TAF2: variants seen among roughly 807,000 people sequenced by gnomAD.
The protein encoded by TAF2 is transcription initiation factor TFIID subunit 2.
In TAF2, 61 loss-of-function variants were observed where a neutral mutation model predicts 138.5. The observed-to-expected ratio is 0.44, with a 90% CI of 0.36 to 0.54. The LOEUF is 0.54. Ranked by LOEUF, TAF2 falls within the 20% of genes least tolerant of loss-of-function variation. The pLI, the probability that TAF2 is intolerant of heterozygous loss-of-function variation, is 0.00. For missense variants in TAF2, 1,090 were observed against 1,427.9 expected (o/e 0.76, Z 3.81); for synonymous variants, 475 against 469.9 (o/e 1.01, Z -0.14).
At chr8:119,792,637 A>G (rs1027979311) in intron 10 of TAF2, among the ~76,000 whole-genome samples, 1 of 152,182 alleles carries the variant, frequency 6.6e-6, no homozygotes, top group African/African-American at 2.4e-5. Flanking sequence ...ATTCATGTTG[A>G]AACTTAAACC....
In TAF2 at chr8:119,831,690, C is replaced by T. The variant is rs754509806; in HGVS notation, c.125G>A (p.Arg42Lys). The T allele has an allele frequency of 3.7e-6, 6 of 1,605,148 alleles. No homozygotes were observed. The African/African-American group carries it at 5.3e-5, about 14-fold the overall frequency. The change falls in exon 2 of 26, where the codon AGA becomes AAA. Residue 42 changes from arginine to lysine, a missense_variant. Coordinates refer to ENST00000378164, the MANE Select transcript of TAF2 (RefSeq NM_003184.4). Reference sequence around the variant, plus strand: ...GAATAAACTTACCACAACAGATTTTCTCTGGAAATTTATGTTGTTGATGCA... The same window carrying T: ...GAATAAACTTACCACAACAGATTTTTTCTGGAAATTTATGTTGTTGATGCA... ...VVCINNINFQ[R>K]KSVVGFVELT...
At position 119,811,992 on chromosome 8, in the gene TAF2, C is replaced by T. The variant is rs148340915; in HGVS notation, c.300-5591G>A. Among the ~76,000 whole-genome samples, 1,141 of 151,772 alleles carry T rather than the reference C, an allele frequency of 7.5e-3. 17 individuals carry two copies. The highest frequency in any genetic ancestry group is 0.026 in the African/African-American group (1,081 of 41,360). On this transcript the variant is annotated intron_variant, in intron 3 of 25. Coordinates refer to ENST00000378164, the MANE Select transcript of TAF2 (RefSeq NM_003184.4). The stretch of plus-strand genomic sequence containing the variant: ...TTTTTGTTTTTTTTTAAATTTAGAG[C>T]GTTTACATGAGCCAAAGTGACAACA...
In TAF2 at chr8:119,782,968, T is replaced by G. The variant is rs1377164742; in HGVS notation, c.2112+413A>C. Among the ~76,000 whole-genome samples the G allele has an allele frequency of 2.0e-5, 3 of 150,520 alleles. No individual in the cohort carries two copies. In the East Asian group the frequency reaches 5.9e-4, roughly 29 times the overall value. On this transcript the variant is annotated intron_variant, in intron 16 of 25. Coordinates refer to ENST00000378164, the MANE Select transcript of TAF2 (RefSeq NM_003184.4). Reference sequence around the variant, plus strand: ...GACCAGCCTGGGCAACATTGTGAGATCTTGTCTTTATTTAAAAAAACAAAA... The same window carrying G: ...GACCAGCCTGGGCAACATTGTGAGAGCTTGTCTTTATTTAAAAAAACAAAA...
At position 119,744,281 on chromosome 8, in the gene TAF2, A is replaced by G; in HGVS notation, c.3214+7T>C. On this transcript the variant is annotated splice_region_variant and intron_variant, in intron 24 of 25. Transcript: ENST00000378164. ...TCTCCTCAATGATTGCAGAATACTAATCTTACCTGGAGTTGACGGCCTTTC... is the reference window on the plus strand; with the variant it reads ...TCTCCTCAATGATTGCAGAATACTAGTCTTACCTGGAGTTGACGGCCTTTC... 6.2e-7 allele frequency: 1 copy of G among 1,612,492 alleles called. No homozygotes were observed. The highest frequency in any genetic ancestry group is 8.5e-7 in the Non-Finnish European group (1 of 1,178,678).
At chr8:119,823,737 C>CAG (rs1244274890) in intron 2 of TAF2, among the ~76,000 whole-genome samples, 1 of 152,170 alleles carries the variant, frequency 6.6e-6, no homozygotes, top group African/African-American at 2.4e-5. Flanking sequence ...AGGTAATAGG[C>CAG]AGAGGTTGGA....
At chr8:119,799,138 T>A (rs1400221545) in intron 6 of TAF2, among the ~76,000 whole-genome samples, 1 of 137,482 alleles carries the variant, frequency 7.3e-6, no homozygotes, top group Non-Finnish European at 1.6e-5. Context: ...TAATCAAACA[T>A]TGATTTTTTA....
At chr8:119,785,581 A>C (rs868613146) in intron 14 of TAF2, among the ~76,000 whole-genome samples, 1 of 152,228 alleles carries the variant, frequency 6.6e-6, no homozygotes, top group Non-Finnish European at 1.5e-5. Context: ...GGGATATATC[A>C]ATAAAGAAAA....
At chr8:119,746,578 A>AT in intron 23 of TAF2, 127 bp downstream of exon 23, 2 of 1,021,336 alleles carry the variant, frequency 2.0e-6, no homozygotes, top group African/African-American at 1.6e-5. Context: ...GTCAGCCAGC[A>AT]TTTTTTAAAA....
intron 3 of TAF2, among the ~76,000 whole-genome samples, chr8:119,818,731 T>TCC (rs1491360603): frequency 2.5e-5 from 1 of 40,024 alleles, no homozygotes; most frequent in East Asian, 3.1e-4. Context: ...AAAAATGAAG[T>TCC]CCACACACAC....
rs747979873 is a variant in TAF2, at chr8:119,760,755, G to T, written c.2559-17C>A. On this transcript the variant is annotated splice_polypyrimidine_tract_variant and intron_variant, in intron 19 of 25. Coordinates refer to ENST00000378164, the MANE Select transcript of TAF2 (RefSeq NM_003184.4). ...CTCAAACAACTAGGGAAAAAAATAC[G>T]TATGTTAACTACTTTCACTGAGGTA... 1 of 1,613,372 alleles carries T rather than the reference G, an allele frequency of 6.2e-7. No individual in the cohort carries two copies. Among genetic ancestry groups the T allele is most frequent in the Non-Finnish European group, 8.5e-7 (1 of 1,179,762 alleles).
At position 119,785,281 on chromosome 8, in the gene TAF2, A is replaced by G. The variant is rs960887612; in HGVS notation, c.1794-15T>C. On this transcript the variant is annotated splice_polypyrimidine_tract_variant and intron_variant, in intron 14 of 25. Coordinates refer to ENST00000378164, the MANE Select transcript of TAF2 (RefSeq NM_003184.4). Reference sequence around the variant, plus strand: ...TCTTTTTATTCCTACATTTAAGAAAAAGTAGGTTGGAAAATTGTGAGATTT... The same window carrying G: ...TCTTTTTATTCCTACATTTAAGAAAGAGTAGGTTGGAAAATTGTGAGATTT... 1 of 1,589,484 alleles carries G rather than the reference A, an allele frequency of 6.3e-7. No homozygotes were observed. The highest frequency in any genetic ancestry group is 1.3e-5 in the African/African-American group (1 of 74,420).
intron 14 of TAF2, among the ~76,000 whole-genome samples, chr8:119,786,866 AG>A (rs1422827815): frequency 6.6e-6 from 1 of 152,194 alleles, no homozygotes; most frequent in Non-Finnish European, 1.5e-5. Context: ...GGTTGCAATG[AG>A]CTGAGATCGC....
intron 7 of TAF2, 24 bp downstream of exon 7, chr8:119,797,637 AT>A: frequency 6.2e-7 from 1 of 1,605,064 alleles, no homozygotes; most frequent in Non-Finnish European, 8.5e-7. Flanking sequence ...TAATTTAGGC[AT>A]TTCAAATCTG....
chr8:119,780,723 CAGG>C (rs1335789805), intron 17 of TAF2, among the ~76,000 whole-genome samples: 1 of 151,930 alleles, frequency 6.6e-6, no homozygotes, highest in Non-Finnish European at 1.5e-5. Context: ...ATCACAGGGT[CAGG>C]AGATGAAAAC....
intron 1 of TAF2, 134 bp downstream of exon 1, chr8:119,832,348 A>G: frequency 2.6e-6 from 2 of 781,938 alleles, no homozygotes; most frequent in East Asian, 2.6e-5. Flanking sequence ...TACAAACACC[A>G]TTTCCATCAC....
chr8:119,779,396 T>C (rs2131126997), intron 17 of TAF2, among the ~76,000 whole-genome samples: 1 of 152,172 alleles, frequency 6.6e-6, no homozygotes, highest in South Asian at 2.1e-4. Context: ...CTACACTGAT[T>C]TCATGATCCC....
chr8:119,762,339 A>T, intron 19 of TAF2, 76 bp downstream of exon 19: 1 of 1,432,080 alleles, frequency 7.0e-7, no homozygotes, highest in Non-Finnish European at 9.6e-7. Context: ...TATATTTCCC[A>T]ATTTTCTATA....
intron 25 of TAF2, among the ~76,000 whole-genome samples, chr8:119,736,798 A>G (rs1819252876): frequency 6.6e-6 from 1 of 152,236 alleles, no homozygotes; most frequent in African/African-American, 2.4e-5. Flanking sequence ...AGACTAAAGA[A>G]CACACACCCT....
At chr8:119,747,273 T>A (rs1820044053) in intron 22 of TAF2, among the ~76,000 whole-genome samples, 1 of 152,158 alleles carries the variant, frequency 6.6e-6, no homozygotes, top group Admixed American at 6.5e-5. Flanking sequence ...CATTTTCTGA[T>A]CTCTAGAACT....
Sources: gnomAD v4.1 joint callset for allele counts (sites outside exome capture counted in the v4.1 genomes callset) on GRCh38, gnomAD v4.1.1 for gene constraint, MANE v1.5 for transcripts, NCBI Gene and HGNC (gene_info 2026-07-23, HGNC 2026-07-21) for gene names.